The following OXR1 variants were observed in gnomAD, a reference collection of about 807,000 sequenced individuals.
OXR1 encodes oxidation resistance protein 1.
A neutral mutation model predicts 104.6 loss-of-function variants in OXR1; 41 were observed. The observed-to-expected ratio is 0.39, with a 90% CI of 0.31 to 0.51. OXR1 has a LOEUF of 0.51. Ranked by LOEUF, OXR1 falls within the 20% of genes least tolerant of loss-of-function variation. The pLI is 0.77. For synonymous variants in OXR1, 348 were observed against 348.4 expected, an observed-to-expected ratio of 1.00 and a Z score of 0.01; for missense variants, 955 against 1,031.9, an observed-to-expected ratio of 0.93 and a Z score of 1.02.
chr8:106,478,774 T>G (rs912016062), intron 2 of OXR1, among the ~76,000 whole-genome samples: 2 of 151,870 alleles, frequency 1.3e-5, no homozygotes, highest in African/African-American at 4.8e-5. Flanking sequence ...TGCTTTTCAT[T>G]ATAAACCCAT....
At chr8:106,498,818 G>A (rs1043328926) in intron 2 of OXR1, among the ~76,000 whole-genome samples, 16 of 152,100 alleles carry the variant, frequency 1.1e-4, no homozygotes, top group Admixed American at 7.9e-4. Flanking sequence ...TCATCTCATC[G>A]TCTTATATAA....
chr8:106,536,227 AAAG>A (rs1409615752), intron 3 of OXR1, among the ~76,000 whole-genome samples: 65 of 21,842 alleles, frequency 3.0e-3, no homozygotes, highest in Admixed American at 0.011. Flanking sequence ...CTCAAAAAAA[AAAG>A]AAAGAAAGAA....
At chr8:106,640,279 CAAAT>C (rs1417943993) in intron 3 of OXR1, among the ~76,000 whole-genome samples, 2 of 151,096 alleles carry the variant, frequency 1.3e-5, no homozygotes, top group African/African-American at 4.9e-5. Context: ...TGCATATATA[CAAAT>C]ATATACATTT....
At position 106,348,230 on chromosome 8, in the gene OXR1, A is replaced by G. The variant is rs1815575956; in HGVS notation, c.-138-11246A>G. Among the ~76,000 whole-genome samples, 3 of 152,146 alleles carry G rather than the reference A, an allele frequency of 2.0e-5. No homozygotes were observed. The East Asian group carries it at 5.8e-4, about 29-fold the overall frequency. ...GGTGGGAAAGTTTAGGATGAATATC[A>G]ACAAGGTGACTTGGGCTGTGCTATG... On this transcript the variant is annotated intron_variant, in intron 1 of 16. Transcript: ENST00000517566.
Position 106,359,519 on chromosome 8 carries a change from C to A in OXR1, c.-95C>A. 1 of 909,108 alleles carries A rather than the reference C, an allele frequency of 1.1e-6. No homozygotes were observed. Among genetic ancestry groups the A allele is most frequent in the Non-Finnish European group, 1.8e-6 (1 of 561,676 alleles). 56.3% of individuals were successfully genotyped at this position (909,108 alleles called of 1,614,324 possible). A position where few individuals can be genotyped will look rare whatever the true frequency, so the allele number is the denominator to read the frequency against. ...TAACTAAGTGGTTTGTGCATCATTC[C>A]AGAAGCAAAGCTAAAATTTTTAGCG... On this transcript the variant is annotated 5_prime_UTR_variant, in exon 2 of 17. Coordinates refer to ENST00000517566, the MANE Select transcript of OXR1 (RefSeq NM_001198533.2).
chr8:106,490,558 G>A (rs781116696), intron 2 of OXR1, among the ~76,000 whole-genome samples: 1 of 152,056 alleles, frequency 6.6e-6, no homozygotes, highest in Non-Finnish European at 1.5e-5. Context: ...GGAAGATGGG[G>A]TTTCACCATA....
chr8:106,357,269 C>T (rs1031810559), intron 1 of OXR1, among the ~76,000 whole-genome samples: 2 of 151,408 alleles, frequency 1.3e-5, no homozygotes, highest in African/African-American at 4.9e-5. Context: ...AAAAATGAGG[C>T]AATACAGCTT....
chr8:106,617,313 C>T (rs1481756990), intron 3 of OXR1, among the ~76,000 whole-genome samples: 1 of 152,106 alleles, frequency 6.6e-6, no homozygotes, highest in African/African-American at 2.4e-5. Flanking sequence ...GACCCAGCTC[C>T]TCAGGAGGCT....
chr8:106,697,960 A>G (rs1297677945), intron 7 of OXR1: 14 of 1,612,488 alleles, frequency 8.7e-6, no homozygotes, highest in Middle Eastern at 1.7e-4. Flanking sequence ...CTGTTTCTCA[A>G]TCTTCTGCTG....
intron 7 of OXR1, among the ~76,000 whole-genome samples, chr8:106,702,306 T>C (rs1830655812): frequency 6.6e-6 from 1 of 152,126 alleles, no homozygotes; most frequent in Admixed American, 6.5e-5. Context: ...TAGCTTTTCA[T>C]GGTGAGTTAA....
chr8:106,690,698 C>A (rs1829191936), intron 6 of OXR1, among the ~76,000 whole-genome samples: 1 of 150,528 alleles, frequency 6.6e-6, no homozygotes, highest in African/African-American at 2.4e-5. Context: ...TTCTTAAGTT[C>A]TTGGTCCCAG....
At chr8:106,572,714 T>A (rs1489248806) in intron 3 of OXR1, among the ~76,000 whole-genome samples, 1 of 151,088 alleles carries the variant, frequency 6.6e-6, no homozygotes. Flanking sequence ...TCTTCATGTC[T>A]GTCTAAGACA....
chr8:106,577,621 C>G (rs1040334571), intron 3 of OXR1, among the ~76,000 whole-genome samples: 1 of 152,010 alleles, frequency 6.6e-6, no homozygotes, highest in Non-Finnish European at 1.5e-5. Flanking sequence ...AACTCCTGAC[C>G]TGAGGTGATC....
Position 106,401,515 on chromosome 8 carries a change from C to T in OXR1, c.23+41879C>T, listed in dbSNP as rs577200340. Among the ~76,000 whole-genome samples the T allele has an allele frequency of 1.1e-4, 17 of 152,124 alleles. 2 individuals are homozygous for T. In the South Asian group the frequency reaches 3.5e-3, roughly 32 times the overall value. ...CCTGGCAGCTCTGAAATTTTAAGGG[C>T]CTGCACTGTAATTCACCTGTAGGGG... On this transcript the variant is annotated intron_variant, in intron 2 of 16. Transcript: ENST00000517566.
intron 2 of OXR1, among the ~76,000 whole-genome samples, chr8:106,436,945 A>C (rs949635509): frequency 5.3e-5 from 8 of 152,186 alleles, no homozygotes; most frequent in Non-Finnish European, 1.0e-4. Flanking sequence ...GAAGTGGTAC[A>C]TTGTACCTTC....
intron 1 of OXR1, among the ~76,000 whole-genome samples, chr8:106,301,734 GA>G (rs1253634202): frequency 6.6e-6 from 1 of 152,174 alleles, no homozygotes; most frequent in African/African-American, 2.4e-5. Flanking sequence ...AAAGGTAAGT[GA>G]ATAATGGTAT....
intron 2 of OXR1, among the ~76,000 whole-genome samples, chr8:106,486,693 G>A (rs1290053716): frequency 6.6e-6 from 1 of 151,858 alleles, no homozygotes; most frequent in Non-Finnish European, 1.5e-5. Flanking sequence ...GAGATTTCTT[G>A]TTTCAATTTT....
intron 3 of OXR1, among the ~76,000 whole-genome samples, chr8:106,592,776 A>C (rs547990927): frequency 2.0e-5 from 3 of 152,310 alleles, no homozygotes; most frequent in African/African-American, 7.2e-5. Context: ...TCTAAATTGC[A>C]AGAGGAAGCC....
At chr8:106,524,468 T>A (rs1382461189) in intron 3 of OXR1, among the ~76,000 whole-genome samples, 2 of 152,214 alleles carry the variant, frequency 1.3e-5, no homozygotes, top group Non-Finnish European at 2.9e-5. Flanking sequence ...AAGCTCCTGA[T>A]GTTTTTCTAT....
Sources: allele counts gnomAD v4.1 joint callset (sites outside exome capture counted in the v4.1 genomes callset), GRCh38; gene constraint gnomAD v4.1.1; transcripts MANE v1.5; gene names NCBI Gene and HGNC (gene_info 2026-07-23, HGNC 2026-07-21).